Variants in IMMT observed in about 807,000 individuals in gnomAD.
The protein encoded by IMMT is MICOS complex subunit MIC60.
In IMMT, 40 loss-of-function variants were observed where a neutral mutation model predicts 92.7. The observed-to-expected ratio is 0.43, with a 90% CI of 0.34 to 0.56. IMMT has a LOEUF of 0.56. Ranked by LOEUF, IMMT falls within the 20% of genes least tolerant of loss-of-function variation. The probability of loss-of-function intolerance (pLI) is 0.03; values close to 1 mark genes in which losing one functional copy is unlikely to be tolerated. For missense variants in IMMT, 831 were observed against 912.1 expected, an observed-to-expected ratio of 0.91 and a Z score of 1.14; for synonymous variants, 322 against 336.1, an observed-to-expected ratio of 0.96 and a Z score of 0.46.
At chr2:86,163,908 G>A (rs953509202) in intron 7 of IMMT, among the ~76,000 whole-genome samples, 3 of 130,738 alleles carry the variant, frequency 2.3e-5, no homozygotes, top group Middle Eastern at 5.7e-3. Context: ...GCAGTGAGCC[G>A]AGATCACGCT....
chr2:86,183,519 G>A (rs142050792), intron 1 of IMMT, among the ~76,000 whole-genome samples: 1 of 151,998 alleles, frequency 6.6e-6, no homozygotes, highest in Non-Finnish European at 1.5e-5. Context: ...TTGACAGAAT[G>A]TGTTTTGACT....
chr2:86,191,456 G>A (rs1237066802), intron 1 of IMMT, among the ~76,000 whole-genome samples: 3 of 151,870 alleles, frequency 2.0e-5, no homozygotes, highest in Admixed American at 2.0e-4. Context: ...ACTGCCTCCA[G>A]ACTGAAACTG....
chr2:86,171,983 T>G (rs1677128202), intron 4 of IMMT, among the ~76,000 whole-genome samples: 1 of 124,148 alleles, frequency 8.1e-6, no homozygotes, highest in Non-Finnish European at 1.7e-5. Flanking sequence ...TTTTTTTTTT[T>G]GAGACAAGGT....
chr2:86,168,308 G>T (rs999900205), intron 6 of IMMT, among the ~76,000 whole-genome samples: 2 of 152,264 alleles, frequency 1.3e-5, no homozygotes, highest in South Asian at 2.1e-4. Context: ...TTGAAGAAAG[G>T]CGGCTAGTAA....
intron 8 of IMMT, among the ~76,000 whole-genome samples, chr2:86,161,435 C>T (rs1299682543): frequency 1.3e-5 from 2 of 151,604 alleles, no homozygotes; most frequent in African/African-American, 2.4e-5. Context: ...ACTGGGATTA[C>T]AGGCGTGAGC....
chr2:86,164,775 A>G (rs1275506051), intron 7 of IMMT, among the ~76,000 whole-genome samples: 1 of 151,956 alleles, frequency 6.6e-6, no homozygotes, highest in African/African-American at 2.4e-5. Flanking sequence ...TGTCAATGAC[A>G]TATCTGGGGG....
chr2:86,171,959 ATTTT>A (rs869190735), intron 4 of IMMT, among the ~76,000 whole-genome samples: 1 of 40,156 alleles, frequency 2.5e-5, no homozygotes, highest in Non-Finnish European at 6.0e-5. Flanking sequence ...TGTGTAGTAT[ATTTT>A]TTTTTTTTTT....
At chr2:86,177,288 A>G (rs2367204) in intron 3 of IMMT, among the ~76,000 whole-genome samples, 56,589 of 151,694 alleles carry the variant, frequency 0.37, 12,909 homozygotes, top group Non-Finnish European at 0.51. Context: ...TGAATGAAGA[A>G]ACATTTAAGA....
chr2:86,163,408 T>C (rs1676430169), intron 7 of IMMT, among the ~76,000 whole-genome samples: 1 of 152,240 alleles, frequency 6.6e-6, no homozygotes, highest in South Asian at 2.1e-4. Flanking sequence ...ACAGATAATA[T>C]TCAAGAGATC....
At chr2:86,189,224 A>AATTCCC (rs1672973532) in intron 1 of IMMT, among the ~76,000 whole-genome samples, 1 of 152,074 alleles carries the variant, frequency 6.6e-6, no homozygotes, top group African/African-American at 2.4e-5. Flanking sequence ...GGAAACATAT[A>AATTCCC]ATTCCCATGT....
rs1261632881 is a variant in IMMT at position 86,181,299 on chromosome 2, C to T, written c.119G>A (p.Gly40Glu). 2.5e-6 allele frequency: 4 copies of T among 1,611,606 alleles called. No individual in the cohort carries two copies. Among genetic ancestry groups the T allele is most frequent in the Non-Finnish European group, 3.4e-6 (4 of 1,178,060 alleles). The stretch of plus-strand genomic sequence containing the variant: ...GGTTATAGGGAGACATAATACATAC[C>T]CAGAGCTGCCTGAAGTAGAGTATCT... Reference protein sequence around the residue: ...CRRYSTSGSSGLTTGKIAGAG... With the variant: ...CRRYSTSGSSELTTGKIAGAG... The change falls in exon 2 of 15, where the codon GGG (glycine) becomes GAG (glutamate). Residue 40 changes from glycine (G) to glutamate (E), a missense_variant and splice_region_variant. Transcript: ENST00000410111.
At chr2:86,153,423 G>T (rs753190717) in intron 11 of IMMT, 137 bp downstream of exon 11, 8 of 500,830 alleles carry the variant, frequency 1.6e-5, no homozygotes, top group Admixed American at 4.3e-5. Flanking sequence ...ATCCAATTCA[G>T]ATTTATCATG....
intron 8 of IMMT, among the ~76,000 whole-genome samples, chr2:86,161,068 G>A (rs1243888399): frequency 1.3e-5 from 2 of 148,354 alleles, no homozygotes; most frequent in Non-Finnish European, 3.0e-5. Context: ...CCTGCACTAC[G>A]GCATGGGCAA....
At chr2:86,146,350 G>A (rs1311697335) in intron 13 of IMMT, among the ~76,000 whole-genome samples, 153 bp from the exon 14 acceptor site, 1 of 151,608 alleles carries the variant, frequency 6.6e-6, no homozygotes, top group Non-Finnish European at 1.5e-5. Flanking sequence ...AAAATGTCCT[G>A]ACTCATATTT....
chr2:86,164,695 A>AAAAAAAAAAAG, intron 7 of IMMT, among the ~76,000 whole-genome samples: 1 of 151,566 alleles, frequency 6.6e-6, no homozygotes, highest in South Asian at 2.1e-4. Context: ...GTCTCAAAAA[A>AAAAAAAAAAAG]AAAAAAAAAG....
intron 10 of IMMT, among the ~76,000 whole-genome samples, chr2:86,156,461 G>C (rs1485407124): frequency 2.0e-5 from 3 of 151,892 alleles, no homozygotes; most frequent in Non-Finnish European, 4.4e-5. Flanking sequence ...GGGTGTGGTG[G>C]CACACGCCTG....
At chr2:86,174,103 A>G (rs1240957106) in intron 3 of IMMT, among the ~76,000 whole-genome samples, 1 of 152,240 alleles carries the variant, frequency 6.6e-6, no homozygotes, top group Non-Finnish European at 1.5e-5. Flanking sequence ...TTTCTAAATC[A>G]AACTATGATG....
At position 86,163,116 on chromosome 2, in the gene IMMT, G is replaced by GT. The variant is rs544611165; in HGVS notation, c.793-1038dup. ...GTAGCAGGATCGCTTAAGCCCAGTT[G>GT]TTTGAGACCAGCCTGAACAACATAG... On this transcript the variant is annotated intron_variant, in intron 7 of 14. Transcript: ENST00000410111. Among the ~76,000 whole-genome samples, 761 of 152,148 alleles carry GT rather than the reference G, an allele frequency of 5.0e-3. 7 individuals are homozygous for GT. The highest frequency in any genetic ancestry group is 0.017 in the African/African-American group (721 of 41,490).
At chr2:86,154,176 C>CAT (rs1553445699) in intron 10 of IMMT, among the ~76,000 whole-genome samples, 1 of 136,090 alleles carries the variant, frequency 7.3e-6, no homozygotes, top group Non-Finnish European at 1.6e-5. Flanking sequence ...CTAAACATTT[C>CAT]TTTTTTTTTT....
Sources: gnomAD v4.1 joint callset for allele counts (sites outside exome capture counted in the v4.1 genomes callset) on GRCh38, gnomAD v4.1.1 for gene constraint, MANE v1.5 for transcripts, NCBI Gene and HGNC (gene_info 2026-07-23, HGNC 2026-07-21) for gene names.